PCDH11X: variants seen among roughly 807,000 people sequenced by gnomAD.
The protein encoded by PCDH11X is protocadherin 11 X-linked.
A neutral mutation model predicts 53.3 loss-of-function variants in PCDH11X; 18 were observed. The observed-to-expected ratio is 0.34, with a 90% CI of 0.23 to 0.50. The LOEUF is 0.50. PCDH11X is among the 20% of genes least tolerant of loss of function. The pLI is 0.98. For missense variants in PCDH11X, 570 were observed against 1,032.4 expected, an observed-to-expected ratio of 0.55 and a Z score of 6.14; for synonymous variants, 279 against 393.3, an observed-to-expected ratio of 0.71 and a Z score of 3.44.
Position 92,022,439 on chromosome X carries a change from T to G in PCDH11X, c.3033+143166T>G, listed in dbSNP as rs143872418. Among the ~76,000 whole-genome samples, 815 of 108,898 alleles carry G rather than the reference T, an allele frequency of 7.5e-3. 7 individuals carry two copies. Among genetic ancestry groups the G allele is most frequent in the African/African-American group, 0.026 (775 of 29,412 alleles). 94.6% of individuals were successfully genotyped at this position (108,898 alleles called of 115,157 possible). On this transcript the variant is annotated intron_variant, in intron 6 of 10. Coordinates refer to ENST00000682573, the MANE Select transcript of PCDH11X (RefSeq NM_032968.5). ...AGATCAAGAAAGACAAAGAAGGGCA[T>G]TACATAATAGTAAAGGATGCAATGC...
intron 10 of PCDH11X, among the ~76,000 whole-genome samples, chrX:92,483,117 C>T (rs971083343): frequency 9.0e-6 from 1 of 111,190 alleles, no homozygotes; most frequent in Non-Finnish European, 1.9e-5. Flanking sequence ...TCCCTGAAGC[C>T]GTATGACAAG....
chrX:92,607,054 A>G (rs1263294742), intron 10 of PCDH11X, among the ~76,000 whole-genome samples: 6 of 111,756 alleles, frequency 5.4e-5, no homozygotes, highest in African/African-American at 9.8e-5. Context: ...AAATGGGAAC[A>G]TTCATGCATT....
Position 91,906,033 on chromosome X carries a change from G to A in PCDH11X, c.3033+26760G>A, listed in dbSNP as rs1941142727. 2.7e-5 allele frequency among the ~76,000 whole-genome samples: 3 copies of A among 110,361 alleles called. No homozygotes were observed. In the Admixed American group the frequency reaches 2.9e-4, roughly 11 times the overall value. On this transcript the variant is annotated intron_variant, in intron 6 of 10. Transcript: ENST00000682573. ...ATGTAGAAGCATCATGGAGGTTATGGCTTTCTATGTACATATAAGATCTTT... is the reference window on the plus strand; with the variant it reads ...ATGTAGAAGCATCATGGAGGTTATGACTTTCTATGTACATATAAGATCTTT...
intron 6 of PCDH11X, among the ~76,000 whole-genome samples, chrX:92,020,117 C>T (rs1273732636): frequency 2.7e-5 from 3 of 112,566 alleles, no homozygotes; most frequent in Admixed American, 1.9e-4. Context: ...AGGCCCCAAC[C>T]ACGGAGCTGC....
intron 6 of PCDH11X, among the ~76,000 whole-genome samples, chrX:92,061,477 C>A (rs1167835430): frequency 9.3e-6 from 1 of 107,452 alleles, no homozygotes; most frequent in Non-Finnish European, 1.9e-5. Flanking sequence ...ACATTTAAGT[C>A]TTTAATTCAT....
chrX:92,019,945 G>A (rs765434296), intron 6 of PCDH11X, among the ~76,000 whole-genome samples: 82 of 111,660 alleles, frequency 7.3e-4, no homozygotes, highest in African/African-American at 2.6e-3. Context: ...GTGGTTTGAC[G>A]GCCCACCCAA....
intron 10 of PCDH11X, among the ~76,000 whole-genome samples, chrX:92,600,944 T>G (rs753684943): frequency 2.7e-5 from 3 of 109,540 alleles, no homozygotes; most frequent in African/African-American, 1.0e-4. Flanking sequence ...TTTGACCACC[T>G]CACTGGATTT....
chrX:91,823,110 G>T (rs1382068796), intron 4 of PCDH11X, among the ~76,000 whole-genome samples: 1 of 108,732 alleles, frequency 9.2e-6, no homozygotes, highest in Non-Finnish European at 1.9e-5. Context: ...GGTCAATTTT[G>T]GAATAGGTGT....
rs373159801 is a variant in PCDH11X, at chrX:91,879,211, G to A, written c.2971G>A (p.Val991Ile). Residue 991 changes from valine to isoleucine, a missense_variant, in exon 6 of 11, where the codon GTT becomes ATT. Around this residue, in one of 6 missense-constraint regions of PCDH11X, gnomAD observed 234 missense variants for 296.1 expected, o/e 0.79. Coordinates refer to ENST00000682573, the MANE Select transcript of PCDH11X (RefSeq NM_032968.5). ...CTCAAGCAGTTCAGATCCCTACAGC[G>A]TTTCTGACTGTGGCTATCCAGTGAC... ...CSSSSSDPYS[V>I]SDCGYPVTTF... 16 of 1,209,833 alleles carry A rather than the reference G, an allele frequency of 1.3e-5. No homozygotes were observed. Among genetic ancestry groups the A allele is most frequent in the Admixed American group, 4.4e-5 (2 of 45,673 alleles).
chrX:91,807,038 C>T (rs35517858), intron 1 of PCDH11X, among the ~76,000 whole-genome samples: 2 of 110,766 alleles, frequency 1.8e-5, no homozygotes, highest in Non-Finnish European at 1.9e-5. Flanking sequence ...TAAACCATAT[C>T]GATATAAAGG....
In PCDH11X at chrX:92,571,127, C is replaced by T. The variant is rs373019610; in HGVS notation, c.3368-47137C>T. On this transcript the variant is annotated intron_variant, in intron 10 of 10. Coordinates refer to ENST00000682573, the MANE Select transcript of PCDH11X (RefSeq NM_032968.5). ...CCAGAATTAACCTTTACTTTTTATT[C>T]CTGGGCACAATACTGAATGAAGCAC... Among the ~76,000 whole-genome samples the T allele has an allele frequency of 1.5e-4, 17 of 111,269 alleles. No individual in the cohort carries two copies. In the East Asian group the frequency reaches 2.8e-3, roughly 19 times the overall value.
chrX:92,082,239 C>A, intron 6 of PCDH11X, among the ~76,000 whole-genome samples: 1 of 107,462 alleles, frequency 9.3e-6, no homozygotes. Flanking sequence ...GATAAGAATA[C>A]TTCTATATGA....
chrX:92,283,039 A>G (rs1255121163), intron 8 of PCDH11X, among the ~76,000 whole-genome samples: 1 of 110,928 alleles, frequency 9.0e-6, no homozygotes, highest in Admixed American at 9.7e-5. Flanking sequence ...CTGGGATTTG[A>G]AGCCTCAATA....
chrX:91,798,030 C>G (rs1440674015), intron 1 of PCDH11X: 1 of 108,998 alleles, frequency 9.2e-6, no homozygotes, highest in Non-Finnish European at 1.9e-5. Context: ...ATTCTAGTAG[C>G]TAAGCTTTAT....
chrX:92,151,006 T>C (rs957841391), intron 6 of PCDH11X, among the ~76,000 whole-genome samples: 11 of 110,641 alleles, frequency 9.9e-5, no homozygotes, highest in Admixed American at 7.8e-4. Flanking sequence ...TGCTATCCCT[T>C]TTAGGGAAAT....
chrX:91,886,425 G>T (rs1475594557), intron 6 of PCDH11X, among the ~76,000 whole-genome samples: 1 of 110,329 alleles, frequency 9.1e-6, no homozygotes, highest in Non-Finnish European at 1.9e-5. Flanking sequence ...AGCACTCAAA[G>T]AAATATTATT....
chrX:91,866,673 T>C (rs1939010000), intron 5 of PCDH11X, among the ~76,000 whole-genome samples: 1 of 110,108 alleles, frequency 9.1e-6, no homozygotes, highest in Non-Finnish European at 1.9e-5. Flanking sequence ...AGTGCCTCTT[T>C]TGGGGTATGA....
At chrX:92,538,903 A>G (rs762762210) in intron 10 of PCDH11X, among the ~76,000 whole-genome samples, 49 of 91,663 alleles carry the variant, frequency 5.3e-4, no homozygotes, top group African/African-American at 1.8e-3. Flanking sequence ...CTTATGTATT[A>G]ATGTATTTTG....
chrX:91,915,282 A>G (rs777079245), intron 6 of PCDH11X, among the ~76,000 whole-genome samples: 2 of 103,712 alleles, frequency 1.9e-5, no homozygotes, highest in African/African-American at 7.0e-5. Flanking sequence ...TGCAACAGCA[A>G]AAATGCAAGG....
Sources: gnomAD v4.1 joint callset for allele counts (sites outside exome capture counted in the v4.1 genomes callset) on GRCh38, gnomAD v4.1.1 for gene constraint, gnomAD v4.1.1 regional missense constraint, MANE v1.5 for transcripts, NCBI Gene and HGNC (gene_info 2026-07-23, HGNC 2026-07-21) for gene names.